FGF7: variants seen among roughly 807,000 people sequenced by gnomAD.
The protein encoded by FGF7 is fibroblast growth factor 7.
In FGF7, 6 loss-of-function variants were observed where a neutral mutation model predicts 20.5. That is an observed-to-expected ratio of 0.29 (90% CI 0.16 to 0.58). The LOEUF (loss-of-function observed/expected upper bound fraction) is 0.58. FGF7 is among the 20% of genes least tolerant of loss of function. The probability of loss-of-function intolerance (pLI) is 0.90; values close to 1 mark genes in which losing one functional copy is unlikely to be tolerated. For synonymous variants in FGF7, 64 were observed against 74.7 expected (o/e 0.86, Z 0.74); for missense variants, 144 against 228.8 (o/e 0.63, Z 2.39).
chr15:49,443,629 A>C (rs537914878), intron 2 of FGF7, among the ~76,000 whole-genome samples: 2 of 151,908 alleles, frequency 1.3e-5, no homozygotes, highest in Non-Finnish European at 2.9e-5. Flanking sequence ...AATTCAGCAA[A>C]GAAGTCACTC....
intron 2 of FGF7, among the ~76,000 whole-genome samples, chr15:49,435,469 A>G (rs2051017037): frequency 6.6e-6 from 1 of 151,642 alleles, no homozygotes; most frequent in Non-Finnish European, 1.5e-5. Flanking sequence ...CCTCTAATTC[A>G]TGAAGTATGC....
At chr15:49,472,197 G>C (rs1436630008) in intron 2 of FGF7, among the ~76,000 whole-genome samples, 1 of 152,176 alleles carries the variant, frequency 6.6e-6, no homozygotes, top group Non-Finnish European at 1.5e-5. Flanking sequence ...CATTAGTTAA[G>C]ATTCAGTTTG....
chr15:49,454,869 A>G (rs998974062), intron 2 of FGF7, among the ~76,000 whole-genome samples: 5 of 152,184 alleles, frequency 3.3e-5, no homozygotes, highest in African/African-American at 1.2e-4. Context: ...TCGGCCTCCC[A>G]AAGTGCTGGG....
chr15:49,465,534 A>G lies in FGF7; in HGVS notation c.287-17617A>G, dbSNP rs952020366. 2.0e-5 allele frequency among the ~76,000 whole-genome samples: 3 copies of G among 152,116 alleles called. No individual in the cohort carries two copies. The East Asian group carries it at 5.8e-4, about 29-fold the overall frequency. ...ACATATGTAAGTTGTTACCCATAATATGAGTGTTGCATGTTGAAAATATAA... is the reference window on the plus strand; with the variant it reads ...ACATATGTAAGTTGTTACCCATAATGTGAGTGTTGCATGTTGAAAATATAA... On this transcript the variant is annotated intron_variant, in intron 2 of 3. Transcript: ENST00000267843.
intron 2 of FGF7, among the ~76,000 whole-genome samples, chr15:49,427,956 T>A (rs972110372): frequency 2.0e-5 from 3 of 152,036 alleles, no homozygotes; most frequent in African/African-American, 7.2e-5. Context: ...GTCACTTACT[T>A]TAGTCTTACC....
At chr15:49,449,364 GTA>G (rs1491519630) in intron 2 of FGF7, among the ~76,000 whole-genome samples, 12 of 151,922 alleles carry the variant, frequency 7.9e-5, no homozygotes. Flanking sequence ...AGTGATTTTA[GTA>G]TATAAAGACA....
At chr15:49,466,382 G>T (rs1567331711) in intron 2 of FGF7, among the ~76,000 whole-genome samples, 1 of 152,156 alleles carries the variant, frequency 6.6e-6, no homozygotes, top group Non-Finnish European at 1.5e-5. Context: ...ATTTTGCATG[G>T]GAGAGGAAGA....
chr15:49,472,992 A>T (rs1274078432), intron 2 of FGF7, among the ~76,000 whole-genome samples: 3 of 152,224 alleles, frequency 2.0e-5, no homozygotes, highest in Non-Finnish European at 2.9e-5. Context: ...AAGTGGCTGA[A>T]TTAAAACTCA....
At chr15:49,463,908 CAACA>C (rs2054029516) in intron 2 of FGF7, among the ~76,000 whole-genome samples, 1 of 148,924 alleles carries the variant, frequency 6.7e-6, no homozygotes, top group Non-Finnish European at 1.5e-5. Flanking sequence ...TGATGTGGCT[CAACA>C]AACAAGGTTT....
At chr15:49,430,597 C>A (rs1270068434) in intron 2 of FGF7, among the ~76,000 whole-genome samples, 1 of 151,696 alleles carries the variant, frequency 6.6e-6, no homozygotes, top group Non-Finnish European at 1.5e-5. Context: ...CTGGGAAGTC[C>A]AATATCAAGG....
intron 2 of FGF7, among the ~76,000 whole-genome samples, chr15:49,460,512 G>A (rs2053693787): frequency 6.6e-6 from 1 of 152,142 alleles, no homozygotes; most frequent in Non-Finnish European, 1.5e-5. Flanking sequence ...GAAGGACTAT[G>A]TTTTTACTAC....
intron 2 of FGF7, among the ~76,000 whole-genome samples, chr15:49,472,449 A>C (rs904952337): frequency 4.6e-5 from 7 of 152,208 alleles, no homozygotes; most frequent in African/African-American, 1.7e-4. Flanking sequence ...GCCATAGGAC[A>C]CTTCAGTTAA....
chr15:49,458,642 CT>C (rs1004075350), intron 2 of FGF7, among the ~76,000 whole-genome samples: 15 of 152,062 alleles, frequency 9.9e-5, no homozygotes, highest in African/African-American at 3.4e-4. Flanking sequence ...TATTTTCTGA[CT>C]TTCATACAAA....
intron 2 of FGF7, among the ~76,000 whole-genome samples, chr15:49,439,614 T>C (rs901413545): frequency 6.6e-6 from 1 of 151,736 alleles, no homozygotes; most frequent in African/African-American, 2.4e-5. Context: ...AGCAATAAGT[T>C]TGTGGAATAA....
chr15:49,448,399 C>A (rs2052415793), intron 2 of FGF7, among the ~76,000 whole-genome samples: 1 of 151,318 alleles, frequency 6.6e-6, no homozygotes, highest in Non-Finnish European at 1.5e-5. Flanking sequence ...CTTTAACTAA[C>A]CACAATATAG....
chr15:49,482,472 C>CT (rs2056039419), intron 2 of FGF7, among the ~76,000 whole-genome samples: 2 of 151,868 alleles, frequency 1.3e-5, no homozygotes, highest in Admixed American at 6.6e-5. Context: ...TTAAAACAAT[C>CT]TTTTTTTTAA....
intron 2 of FGF7, among the ~76,000 whole-genome samples, chr15:49,476,157 A>C (rs1249463180): frequency 6.7e-6 from 1 of 149,372 alleles, no homozygotes. Flanking sequence ...TATTCCTCAA[A>C]TCCTCCGTTG....
intron 2 of FGF7, among the ~76,000 whole-genome samples, chr15:49,469,275 T>C (rs1182900569): frequency 1.3e-5 from 2 of 152,182 alleles, no homozygotes; most frequent in Non-Finnish European, 2.9e-5. Context: ...TGGTTAGAGA[T>C]AATTATACCA....
At chr15:49,451,872 A>C (rs981233777) in intron 2 of FGF7, among the ~76,000 whole-genome samples, 3 of 152,176 alleles carry the variant, frequency 2.0e-5, no homozygotes, top group Admixed American at 2.0e-4. Context: ...GTAATCTCTT[A>C]GGAATTATTT....
Sources: allele counts gnomAD v4.1 joint callset (sites outside exome capture counted in the v4.1 genomes callset), GRCh38; gene constraint gnomAD v4.1.1; transcripts MANE v1.5; gene names NCBI Gene and HGNC (gene_info 2026-07-23, HGNC 2026-07-21).